The following HMG20A variants were observed in gnomAD, a reference collection of about 807,000 sequenced individuals.
HMG20A encodes high mobility group 20A, also known as high mobility group protein 20A.
Under a neutral mutation model 43.9 loss-of-function variants are expected in HMG20A, and 17 were observed. The observed-to-expected ratio is 0.39, with a 90% CI of 0.27 to 0.58. The LOEUF (loss-of-function observed/expected upper bound fraction) is 0.58. HMG20A is among the 20% of genes least tolerant of loss of function. HMG20A has a pLI of 0.59. For synonymous variants in HMG20A, 132 were observed against 147.5 expected, an observed-to-expected ratio of 0.89 and a Z score of 0.76; for missense variants, 341 against 438.2, an observed-to-expected ratio of 0.78 and a Z score of 1.98.
intron 7 of HMG20A, 147 bp downstream of exon 7, chr15:77,477,777 G>C (rs1302045086): frequency 1.5e-5 from 9 of 601,890 alleles, no homozygotes; most frequent in South Asian, 2.2e-5. Context: ...GGGCATTGTT[G>C]TCAAAGCTTC....
intron 6 of HMG20A, among the ~76,000 whole-genome samples, chr15:77,474,504 A>G (rs2142353387): frequency 6.6e-6 from 1 of 152,366 alleles, no homozygotes; most frequent in East Asian, 1.9e-4. Context: ...AACATTCTTG[A>G]CAGCACAGTG....
chr15:77,473,070 TA>T (rs755797000), intron 6 of HMG20A, among the ~76,000 whole-genome samples: 1 of 152,244 alleles, frequency 6.6e-6, no homozygotes, highest in Non-Finnish European at 1.5e-5. Flanking sequence ...GGTTTTTTAC[TA>T]AATCAAGGAA....
intron 6 of HMG20A, 132 bp from the exon 7 acceptor site, chr15:77,477,423 C>T (rs1467314124): frequency 3.1e-6 from 2 of 653,576 alleles, no homozygotes; most frequent in African/African-American, 3.8e-5. Context: ...ACATTTCCCT[C>T]ACAGACTCAC....
intron 1 of HMG20A, among the ~76,000 whole-genome samples, chr15:77,451,918 A>G (rs190005048): frequency 7.9e-5 from 12 of 152,330 alleles, no homozygotes; most frequent in East Asian, 3.9e-4. Context: ...ATATACATCA[A>G]TCGGCCATGT....
intron 1 of HMG20A, among the ~76,000 whole-genome samples, chr15:77,434,271 T>G (rs1440671950): frequency 1.3e-5 from 2 of 151,962 alleles, no homozygotes; most frequent in African/African-American, 4.8e-5. Context: ...AGGGAGAAAC[T>G]GGAAAACACC....
chr15:77,430,400 C>T (rs1302062725), intron 1 of HMG20A, among the ~76,000 whole-genome samples: 1 of 152,140 alleles, frequency 6.6e-6, no homozygotes, highest in Non-Finnish European at 1.5e-5. Context: ...TTGCTAAGAA[C>T]AGGAAAGATG....
chr15:77,421,594 C>T (rs562734743), intron 1 of HMG20A, among the ~76,000 whole-genome samples: 2 of 152,332 alleles, frequency 1.3e-5, no homozygotes, highest in East Asian at 1.9e-4. Flanking sequence ...AACAGGAAAT[C>T]TAGCTTCTCT....
chr15:77,425,409 T>C (rs2073416412), intron 1 of HMG20A, among the ~76,000 whole-genome samples: 1 of 152,172 alleles, frequency 6.6e-6, no homozygotes, highest in African/African-American at 2.4e-5. Context: ...TTGTCCACAA[T>C]TATGCCCAGC....
intron 7 of HMG20A, 72 bp from the exon 8 acceptor site, chr15:77,478,223 T>C (rs2072873746): frequency 2.0e-6 from 3 of 1,490,744 alleles, no homozygotes; most frequent in Non-Finnish European, 1.9e-6. Context: ...AGAACTTCCC[T>C]GTAAGAGTCA....
At chr15:77,452,288 A>C (rs2072610274) in intron 1 of HMG20A, among the ~76,000 whole-genome samples, 1 of 152,242 alleles carries the variant, frequency 6.6e-6, no homozygotes, top group Non-Finnish European at 1.5e-5. Flanking sequence ...ATTTAAAGGT[A>C]AACAAGGCAC....
chr15:77,445,582 C>T (rs1228037627), intron 1 of HMG20A, among the ~76,000 whole-genome samples: 40 of 151,340 alleles, frequency 2.6e-4, no homozygotes, highest in Non-Finnish European at 5.9e-5. Flanking sequence ...TTTTTTTTTC[C>T]TTTTGTTAAG....
At chr15:77,451,910 A>G (rs1362307343) in intron 1 of HMG20A, among the ~76,000 whole-genome samples, 1 of 152,236 alleles carries the variant, frequency 6.6e-6, no homozygotes, top group Non-Finnish European at 1.5e-5. Flanking sequence ...AATACAGAAT[A>G]TACATCAATC....
chr15:77,503,120 A>G, the HMG20A span, among the ~76,000 whole-genome samples: 1 of 152,212 alleles, frequency 6.6e-6, no homozygotes, highest in Admixed American at 6.5e-5. Context: ...TGCAACTTCT[A>G]TCCAGCCTCC....
At chr15:77,439,200 G>A (rs899639723) in intron 1 of HMG20A, among the ~76,000 whole-genome samples, 1 of 152,204 alleles carries the variant, frequency 6.6e-6, no homozygotes, top group Non-Finnish European at 1.5e-5. Flanking sequence ...CTGAGCCTTG[G>A]TTGTATGATT....
intron 7 of HMG20A, 78 bp downstream of exon 7, chr15:77,477,708 A>T: frequency 1.1e-6 from 1 of 943,462 alleles, no homozygotes; most frequent in South Asian, 1.4e-5. Context: ...TCATTGCTCA[A>T]AAGCAATGGT....
intron 1 of HMG20A, among the ~76,000 whole-genome samples, chr15:77,425,200 A>G (rs1247903097): frequency 1.3e-5 from 2 of 152,110 alleles, no homozygotes; most frequent in Non-Finnish European, 2.9e-5. Flanking sequence ...TACAGCACTT[A>G]CTGTCCAGTG....
chr15:77,502,990 CA>C, the HMG20A span, among the ~76,000 whole-genome samples: 3 of 151,962 alleles, frequency 2.0e-5, no homozygotes, highest in Admixed American at 6.5e-5. Flanking sequence ...AAACGAACAA[CA>C]AAAAAATCAG....
intron 7 of HMG20A, 37 bp downstream of exon 7, chr15:77,477,667 T>G (rs562840762): frequency 2.2e-6 from 3 of 1,393,792 alleles, no homozygotes; most frequent in South Asian, 2.4e-5. Flanking sequence ...TTCTCAGATT[T>G]TTGACAGGGG....
chr15:77,437,632 C>T (rs1460203963), intron 1 of HMG20A, among the ~76,000 whole-genome samples: 1 of 152,102 alleles, frequency 6.6e-6, no homozygotes, highest in Non-Finnish European at 1.5e-5. Context: ...AGTGCGGTGG[C>T]GTGATCTCAG....
Sources: gnomAD v4.1 joint callset for allele counts (sites outside exome capture counted in the v4.1 genomes callset) on GRCh38, gnomAD v4.1.1 for gene constraint, MANE v1.5 for transcripts, NCBI Gene and HGNC (gene_info 2026-07-23, HGNC 2026-07-21) for gene names.